CPE: variants seen among roughly 807,000 people sequenced by gnomAD.
The protein encoded by CPE is carboxypeptidase E.
CPE carries 17 observed loss-of-function variants against 53.5 expected under a neutral mutation model. The observed-to-expected ratio is 0.32, with a 90% CI of 0.22 to 0.48. The LOEUF (loss-of-function observed/expected upper bound fraction) is 0.48. CPE is among the 20% of genes least tolerant of loss of function. The pLI is 0.99. For missense variants in CPE, 524 were observed against 614.7 expected, an observed-to-expected ratio of 0.85 and a Z score of 1.56; for synonymous variants, 226 against 228.8, an observed-to-expected ratio of 0.99 and a Z score of 0.11.
At chr4:165,490,609 G>A (rs1354954710) in intron 6 of CPE, among the ~76,000 whole-genome samples, 2 of 124,752 alleles carry the variant, frequency 1.6e-5, no homozygotes, top group South Asian at 2.5e-4. Context: ...CAGCCTGGGC[G>A]ACAGAGCGAG....
chr4:165,468,719 T>C (rs1339535078), intron 3 of CPE, among the ~76,000 whole-genome samples: 1 of 152,210 alleles, frequency 6.6e-6, no homozygotes, highest in Non-Finnish European at 1.5e-5. Context: ...ACTGGCACAG[T>C]GGCCTCCTAC....
At chr4:165,386,244 A>G (rs751472300) in intron 1 of CPE, 1 of 524,238 alleles carries the variant, frequency 1.9e-6, no homozygotes, top group Admixed American at 2.0e-5. Flanking sequence ...TGGTCTACAG[A>G]TAAATCTATA....
Position 165,497,834 on chromosome 4 carries a change from AC to A in CPE, c.*225del. On this transcript the variant is annotated 3_prime_UTR_variant, in exon 9 of 9. Transcript: ENST00000402744. Reference sequence around the variant, plus strand: ...GTATTCATTTTCCTACCTATATTACACAAAAAAGTATAGAAAAGATTTAAGT... The same window carrying A: ...GTATTCATTTTCCTACCTATATTACAAAAAAAGTATAGAAAAGATTTAAGT... 1 of 263,634 alleles carries A rather than the reference AC, an allele frequency of 3.8e-6. No homozygotes were observed. 16.3% of individuals were successfully genotyped at this position (263,634 alleles called of 1,614,324 possible). A position where few individuals can be genotyped will look rare whatever the true frequency, so the allele number is the denominator to read the frequency against.
intron 1 of CPE, chr4:165,418,360 TAA>T (rs34922503): frequency 0.3 from 44,862 of 151,984 alleles, 6,680 homozygotes; most frequent in Middle Eastern, 0.39. Context: ...TATTTGGCCT[TAA>T]AAGAGGCAGA....
At chr4:165,465,378 C>T (rs569544630) in intron 2 of CPE, among the ~76,000 whole-genome samples, 3 of 151,766 alleles carry the variant, frequency 2.0e-5, no homozygotes, top group African/African-American at 7.2e-5. Context: ...AAAATTGATA[C>T]GATTTCTAAA....
chr4:165,461,188 G>GAAAAAAAGAAAAAAAA (rs1553976642), intron 1 of CPE, among the ~76,000 whole-genome samples: 1 of 81,206 alleles, frequency 1.2e-5, no homozygotes. Flanking sequence ...AAAAAAAAAA[G>GAAAAAAAGAAAAAAAA]AAAGAAAGAA....
intron 6 of CPE, among the ~76,000 whole-genome samples, chr4:165,488,469 ATAG>A (rs1465361830): frequency 6.6e-6 from 1 of 152,150 alleles, no homozygotes; most frequent in African/African-American, 2.4e-5. Context: ...CACCCCCTGC[ATAG>A]TATGTAGACA....
chr4:165,405,658 AT>A, intron 1 of CPE: 1 of 778,496 alleles, frequency 1.3e-6, no homozygotes, highest in South Asian at 1.3e-5. Flanking sequence ...TAGGTATTTG[AT>A]TGTCCATTCC....
At chr4:165,392,545 T>G (rs372263893) in intron 1 of CPE, among the ~76,000 whole-genome samples, 1 of 145,828 alleles carries the variant, frequency 6.9e-6, no homozygotes, top group East Asian at 2.0e-4. Flanking sequence ...AAATATATAT[T>G]TATATATTAT....
At chr4:165,460,953 C>T (rs9685303) in intron 1 of CPE, among the ~76,000 whole-genome samples, 48,529 of 150,360 alleles carry the variant, frequency 0.32, 9,217 homozygotes, top group Middle Eastern at 0.44. Flanking sequence ...TATTTTCAAA[C>T]TGAGGTGTTA....
chr4:165,484,297 C>T, intron 4 of CPE, 125 bp from the exon 5 acceptor site: 1 of 876,236 alleles, frequency 1.1e-6, no homozygotes, highest in Non-Finnish European at 1.7e-6. Flanking sequence ...ACCTCTTTCC[C>T]ATAGTTATGT....
rs776287792 is a variant in CPE at position 165,379,495 on chromosome 4, G to C, written c.274G>C (p.Glu92Gln). 4 of 1,600,698 alleles carry C rather than the reference G, an allele frequency of 2.5e-6. No homozygotes were observed. Among genetic ancestry groups the C allele is most frequent in the Non-Finnish European group, 2.6e-6 (3 of 1,171,732 alleles). The change falls in exon 1 of 9, where the codon GAG becomes CAG. Residue 92 changes from glutamate to glutamine, a missense_variant. Coordinates refer to ENST00000402744, the MANE Select transcript of CPE (RefSeq NM_001873.4). The surrounding 1 kb of genome is among the most constrained non-coding windows in gnomAD (Gnocchi z 6.0). ...SFEGRELLVI[E>Q]LSDNPGVHEP... ...CGAGGGCCGGGAGCTCCTGGTCATC[G>C]AGCTGTCCGACAACCCTGGCGTCCA...
intron 1 of CPE, among the ~76,000 whole-genome samples, chr4:165,410,026 T>A (rs1043187245): frequency 4.6e-4 from 70 of 152,136 alleles, no homozygotes; most frequent in African/African-American, 1.6e-3. Flanking sequence ...GGTGGGTGGA[T>A]CACCTGAGGT....
chr4:165,461,317 G>A (rs1186286096), intron 1 of CPE, among the ~76,000 whole-genome samples: 2 of 152,222 alleles, frequency 1.3e-5, no homozygotes, highest in South Asian at 2.1e-4. Flanking sequence ...GAAGCAGAGA[G>A]CATTATAGGG....
At chr4:165,412,115 A>C (rs1731051789) in intron 1 of CPE, among the ~76,000 whole-genome samples, 1 of 152,190 alleles carries the variant, frequency 6.6e-6, no homozygotes, top group Admixed American at 6.5e-5. Context: ...GCCAGCCTGA[A>C]AGTTGGGGTT....
At position 165,467,866 on chromosome 4, in the gene CPE, C is replaced by G. The variant is rs748015585; in HGVS notation, c.672+11C>G. 1 of 1,612,446 alleles carries G rather than the reference C, an allele frequency of 6.2e-7. No individual in the cohort carries two copies. On this transcript the variant is annotated intron_variant, in intron 3 of 8. Coordinates refer to ENST00000402744, the MANE Select transcript of CPE (RefSeq NM_001873.4). ...GATCAAAACACAAAGGTAGTGACCA[C>G]GGGATAGTCTTCTTGGGTTCGTCTC...
At chr4:165,388,471 T>C (rs1414955731) in intron 1 of CPE, among the ~76,000 whole-genome samples, 1 of 152,228 alleles carries the variant, frequency 6.6e-6, no homozygotes, top group East Asian at 1.9e-4. Context: ...ACCTACTATG[T>C]CCATGCCATT....
intron 6 of CPE, among the ~76,000 whole-genome samples, chr4:165,490,257 A>C (rs765474864): frequency 4.6e-5 from 7 of 152,216 alleles, no homozygotes; most frequent in Non-Finnish European, 8.8e-5. Context: ...TAGAGTAGAG[A>C]GTCTGCTAAG....
intron 1 of CPE, among the ~76,000 whole-genome samples, chr4:165,433,107 T>C (rs565977078): frequency 1.3e-5 from 2 of 152,250 alleles, no homozygotes; most frequent in Non-Finnish European, 2.9e-5. Flanking sequence ...GCAGAGGAGG[T>C]TGGCTCTAGA....
Sources: allele counts gnomAD v4.1 joint callset (sites outside exome capture counted in the v4.1 genomes callset), GRCh38; gene constraint gnomAD v4.1.1; non-coding constraint Gnocchi (gnomAD v3.1); transcripts MANE v1.5; gene names NCBI Gene and HGNC (gene_info 2026-07-23, HGNC 2026-07-21).